The following DZIP3 variants were observed in gnomAD, a reference collection of about 807,000 sequenced individuals.
The protein encoded by DZIP3 is DAZ interacting zinc finger protein 3.
In DZIP3, 118 loss-of-function variants were observed where a neutral mutation model predicts 162.0. The ratio of observed to expected loss-of-function variants is 0.73; its 90% CI spans 0.63 to 0.85. DZIP3 has a LOEUF of 0.85. DZIP3 is among the 40% of genes least tolerant of loss of function. The probability of loss-of-function intolerance (pLI) is 0.00; values close to 1 mark genes in which losing one functional copy is unlikely to be tolerated. For synonymous variants in DZIP3, 438 were observed against 458.6 expected (o/e 0.96, Z 0.57); for missense variants, 1,331 against 1,407.0 (o/e 0.95, Z 0.86).
intron 25 of DZIP3, among the ~76,000 whole-genome samples, chr3:108,677,175 C>CT (rs1437766756): frequency 6.6e-6 from 1 of 151,820 alleles, no homozygotes; most frequent in African/African-American, 2.4e-5. Context: ...TCTTTAGTCT[C>CT]TTTTTTTATT....
intron 22 of DZIP3, 34 bp downstream of exon 22, chr3:108,669,783 C>T (rs1222121069): frequency 6.7e-7 from 1 of 1,495,160 alleles, no homozygotes; most frequent in South Asian, 1.1e-5. Context: ...GGTGCACTCT[C>T]TCTGAAACTG....
chr3:108,668,584 A>T (rs1943782449), intron 21 of DZIP3, among the ~76,000 whole-genome samples: 1 of 152,014 alleles, frequency 6.6e-6, no homozygotes, highest in Non-Finnish European at 1.5e-5. Context: ...TACAAATTTT[A>T]CTGCTTTTCA....
intron 3 of DZIP3, among the ~76,000 whole-genome samples, chr3:108,609,432 G>A (rs902762260): frequency 3.3e-5 from 5 of 152,096 alleles, no homozygotes; most frequent in Admixed American, 6.6e-5. Flanking sequence ...TGCAGAATCA[G>A]GAATACAAAA....
intron 4 of DZIP3, 143 bp downstream of exon 4, chr3:108,611,472 C>G: frequency 1.0e-6 from 1 of 991,306 alleles, no homozygotes; most frequent in Non-Finnish European, 1.5e-6. Flanking sequence ...GCTTTGTTGT[C>G]AACCTTGACT....
At chr3:108,646,015 G>A (rs1942606516) in intron 14 of DZIP3, among the ~76,000 whole-genome samples, 1 of 152,180 alleles carries the variant, frequency 6.6e-6, no homozygotes, top group Non-Finnish European at 1.5e-5. Context: ...TATTGGTCAA[G>A]TCCCTTTACT....
chr3:108,662,127 C>G lies in DZIP3; in HGVS notation c.2296-3C>G, dbSNP rs765729318. 24 of 1,585,302 alleles carry G rather than the reference C, an allele frequency of 1.5e-5. No homozygotes were observed. The highest frequency in any genetic ancestry group is 2.0e-5 in the Non-Finnish European group (24 of 1,171,646). ...ATCTGAAATAATATTTTTTATTGAT[C>G]AGGATTTCAAAAGACAGTTGAGAAC... On this transcript the variant is annotated splice_polypyrimidine_tract_variant and splice_region_variant and intron_variant, in intron 20 of 32. Coordinates refer to ENST00000361582, the MANE Select transcript of DZIP3 (RefSeq NM_014648.4).
intron 1 of DZIP3, among the ~76,000 whole-genome samples, chr3:108,593,061 A>G (rs1939516839): frequency 6.6e-6 from 1 of 152,214 alleles, no homozygotes; most frequent in South Asian, 2.1e-4. Context: ...ATTGGCTTTT[A>G]TATCTGTTTC....
rs58480917 is a variant in DZIP3 at position 108,624,163 on chromosome 3, G to A, written c.376-281G>A. On this transcript the variant is annotated intron_variant, in intron 5 of 32. Coordinates refer to ENST00000361582, the MANE Select transcript of DZIP3 (RefSeq NM_014648.4). Reference sequence around the variant, plus strand: ...AGTGTGGTGTTCCTGTGTTGGTGACGATTGTTGGAGCTTCTATTTGGCCAT... The same window carrying A: ...AGTGTGGTGTTCCTGTGTTGGTGACAATTGTTGGAGCTTCTATTTGGCCAT... 6.9e-3 allele frequency among the ~76,000 whole-genome samples: 1,045 copies of A among 152,252 alleles called. 5 individuals are homozygous for A. The highest frequency in any genetic ancestry group is 0.024 in the African/African-American group (984 of 41,544).
At chr3:108,623,086 G>C (rs1354350940) in intron 5 of DZIP3, among the ~76,000 whole-genome samples, 1 of 151,956 alleles carries the variant, frequency 6.6e-6, no homozygotes, top group African/African-American at 2.4e-5. Context: ...CTCTGGCCCA[G>C]GGCGAGTGCA....
chr3:108,682,076 A>G (rs1476450463), intron 26 of DZIP3, among the ~76,000 whole-genome samples: 2 of 150,560 alleles, frequency 1.3e-5, no homozygotes, highest in Admixed American at 6.6e-5. Context: ...TTAAAGTATA[A>G]TAATTAGAAA....
chr3:108,594,071 C>T (rs1410139345), intron 1 of DZIP3, among the ~76,000 whole-genome samples: 1 of 152,074 alleles, frequency 6.6e-6, no homozygotes, highest in Non-Finnish European at 1.5e-5. Flanking sequence ...TAAAAATTTA[C>T]CGATAAAAAG....
intron 2 of DZIP3, among the ~76,000 whole-genome samples, chr3:108,607,326 C>A (rs1384102203): frequency 1.3e-5 from 2 of 152,060 alleles, no homozygotes; most frequent in Non-Finnish European, 2.9e-5. Flanking sequence ...AATGTAAAGT[C>A]AAATAAGAGA....
chr3:108,634,706 G>T (rs1942058423), intron 9 of DZIP3, among the ~76,000 whole-genome samples, 165 bp from the exon 10 acceptor site: 1 of 151,988 alleles, frequency 6.6e-6, no homozygotes, highest in South Asian at 2.1e-4. Flanking sequence ...ATGTAAAAAT[G>T]ACTTGTAAAG....
chr3:108,672,455 A>G, intron 22 of DZIP3, 105 bp from the exon 23 acceptor site: 1 of 941,614 alleles, frequency 1.1e-6, no homozygotes, highest in East Asian at 2.4e-5. Context: ...TTTCCAAGAA[A>G]TAATTTCCTA....
chr3:108,655,666 G>A (rs569572643), intron 19 of DZIP3, among the ~76,000 whole-genome samples: 83 of 152,190 alleles, frequency 5.5e-4, no homozygotes, highest in African/African-American at 1.9e-3. Flanking sequence ...CAGTGGGTGC[G>A]GCGCACCGAG....
At chr3:108,675,960 G>A (rs1457959321) in intron 25 of DZIP3, 87 bp downstream of exon 25, 1 of 1,151,288 alleles carries the variant, frequency 8.7e-7, no homozygotes, top group South Asian at 1.5e-5. Context: ...AAAATTTAAG[G>A]AAGAACATAT....
chr3:108,642,508 A>G lies in DZIP3; in HGVS notation c.1135A>G (p.Thr379Ala). ...ACCGAAGATCAGTTTAAAATTTAATACAAAAGGTATTATTTTATTTTTATA... is the reference window on the plus strand; with the variant it reads ...ACCGAAGATCAGTTTAAAATTTAATGCAAAAGGTATTATTTTATTTTTATA... ...IRPKISLKFN[T>A]KDEMPIFKLD... The change falls in exon 13 of 33, where the codon ACA (threonine) becomes GCA (alanine). Residue 379 changes from threonine (T) to alanine (A), a missense_variant. Transcript: ENST00000361582. 1 of 1,464,258 alleles carries G rather than the reference A, an allele frequency of 6.8e-7. No homozygotes were observed. Among genetic ancestry groups the G allele is most frequent in the Non-Finnish European group, 9.2e-7 (1 of 1,086,240 alleles). The allele number at this position is 1,464,258 out of a possible 1,614,324, so 90.7% of individuals were successfully genotyped here. A position where few individuals can be genotyped will look rare whatever the true frequency, so the allele number is the denominator to read the frequency against.
At chr3:108,658,677 C>G (rs1943264283) in intron 19 of DZIP3, among the ~76,000 whole-genome samples, 1 of 151,906 alleles carries the variant, frequency 6.6e-6, no homozygotes, top group Admixed American at 6.6e-5. Flanking sequence ...ACAAAAAACC[C>G]TTCAAAAAAT....
At chr3:108,662,406 A>AT in intron 21 of DZIP3, 149 bp downstream of exon 21, 1 of 1,015,088 alleles carries the variant, frequency 9.9e-7, no homozygotes, top group Non-Finnish European at 1.3e-6. Flanking sequence ...AACCAACCAT[A>AT]TTTTTGTCTT....
Sources: gnomAD v4.1 joint callset for allele counts (sites outside exome capture counted in the v4.1 genomes callset) on GRCh38, gnomAD v4.1.1 for gene constraint, MANE v1.5 for transcripts, NCBI Gene and HGNC (gene_info 2026-07-23, HGNC 2026-07-21) for gene names.